The following ASTN2 variants were observed in gnomAD, a reference collection of about 807,000 sequenced individuals.
ASTN2 encodes the protein astrotactin 2, also known as astrotactin-2.
A neutral mutation model predicts 139.8 loss-of-function variants in ASTN2; 54 were observed. The observed-to-expected ratio is 0.39, with a 90% CI of 0.31 to 0.48. ASTN2 has a LOEUF of 0.48. Among genes scored for constraint, ASTN2 ranks in the 20% least tolerant of loss-of-function variants. The pLI is 0.95. For missense variants in ASTN2, 1,565 were observed against 1,725.1 expected, an observed-to-expected ratio of 0.91 and a Z score of 1.64; for synonymous variants, 756 against 719.5, an observed-to-expected ratio of 1.05 and a Z score of -0.81.
chr9:117,114,152 T>C (rs947811674), intron 4 of ASTN2, among the ~76,000 whole-genome samples: 14 of 148,450 alleles, frequency 9.4e-5, no homozygotes, highest in Non-Finnish European at 1.6e-4. Flanking sequence ...AAACTCTTTT[T>C]AATGAACATT....
chr9:116,497,972 T>C (rs1285132260), intron 19 of ASTN2, among the ~76,000 whole-genome samples: 1 of 152,218 alleles, frequency 6.6e-6, no homozygotes, highest in African/African-American at 2.4e-5. Context: ...AAACACTTCA[T>C]TCAACATCTC....
chr9:116,706,170 C>G (rs1343282265), intron 16 of ASTN2, among the ~76,000 whole-genome samples: 2 of 152,134 alleles, frequency 1.3e-5, no homozygotes, highest in East Asian at 3.9e-4. Context: ...GATGGGGAAT[C>G]ACTGATTGAC....
chr9:117,301,593 A>C (rs1834876695), intron 1 of ASTN2, among the ~76,000 whole-genome samples: 1 of 152,166 alleles, frequency 6.6e-6, no homozygotes, highest in South Asian at 2.1e-4. Context: ...TAGGCTGAGA[A>C]AGGAGCTTGC....
intron 20 of ASTN2, among the ~76,000 whole-genome samples, chr9:116,467,698 G>A (rs573802615): frequency 6.6e-6 from 1 of 152,302 alleles, no homozygotes; most frequent in East Asian, 1.9e-4. Flanking sequence ...GTTTCTGTCC[G>A]TTGCCTCCAA....
At chr9:117,095,856 G>C (rs141074349) in intron 5 of ASTN2, among the ~76,000 whole-genome samples, 188 bp downstream of exon 5, 3 of 152,128 alleles carry the variant, frequency 2.0e-5, no homozygotes, top group Non-Finnish European at 4.4e-5. Context: ...AGCAAATAAA[G>C]AATAAGCCAG....
chr9:116,536,175 C>T (rs943514402), intron 19 of ASTN2, among the ~76,000 whole-genome samples: 1 of 151,878 alleles, frequency 6.6e-6, no homozygotes, highest in African/African-American at 2.4e-5. Context: ...GCATTCGTCA[C>T]GTAGTTATCG....
chr9:116,951,365 AAAG>A (rs1343623976), intron 10 of ASTN2, among the ~76,000 whole-genome samples: 70 of 151,058 alleles, frequency 4.6e-4, no homozygotes, highest in African/African-American at 1.6e-3. Context: ...AAAAAAAAAA[AAAG>A]ATCTGTGGTT....
At chr9:117,225,401 C>T (rs1057382823) in intron 2 of ASTN2, among the ~76,000 whole-genome samples, 1 of 151,308 alleles carries the variant, frequency 6.6e-6, no homozygotes, top group African/African-American at 2.4e-5. Context: ...TGAGTTTCTT[C>T]CCACTCTTTG....
At chr9:117,076,008 A>T (rs181147616) in intron 5 of ASTN2, among the ~76,000 whole-genome samples, 85 of 152,298 alleles carry the variant, frequency 5.6e-4, no homozygotes. Context: ...CAAGAATCAT[A>T]CTGAAAGCCT....
chr9:117,333,169 C>T (rs962146905), intron 1 of ASTN2, among the ~76,000 whole-genome samples: 6 of 152,052 alleles, frequency 3.9e-5, no homozygotes, highest in Admixed American at 2.0e-4. Context: ...TCTATTTAAA[C>T]TGATGCCTGA....
chr9:116,979,410 G>C (rs1366872675), intron 7 of ASTN2, among the ~76,000 whole-genome samples: 1 of 152,088 alleles, frequency 6.6e-6, no homozygotes, highest in Non-Finnish European at 1.5e-5. Context: ...CCAAGAGGAA[G>C]TGCTGTAAGT....
chr9:117,150,526 G>T (rs182930278), intron 3 of ASTN2, among the ~76,000 whole-genome samples: 31 of 152,270 alleles, frequency 2.0e-4, no homozygotes, highest in Non-Finnish European at 1.5e-5. Context: ...GGAAGCGAAG[G>T]CTTTGAAATC....
intron 16 of ASTN2, among the ~76,000 whole-genome samples, chr9:116,679,193 C>T (rs1859683835): frequency 6.6e-6 from 1 of 152,088 alleles, no homozygotes; most frequent in African/African-American, 2.4e-5. Context: ...AAATTGATGA[C>T]TTATGGTAAC....
intron 10 of ASTN2, among the ~76,000 whole-genome samples, chr9:116,889,237 A>G (rs1833696873): frequency 6.6e-6 from 1 of 152,144 alleles, no homozygotes; most frequent in Admixed American, 6.6e-5. Flanking sequence ...AAGAAGAGGA[A>G]AAAAGAAGGC....
intron 13 of ASTN2, among the ~76,000 whole-genome samples, chr9:116,772,863 G>A (rs111494699): frequency 2.6e-5 from 4 of 152,272 alleles, no homozygotes; most frequent in African/African-American, 9.6e-5. Flanking sequence ...CTTAGCTTTA[G>A]GCTAGCACTT....
At chr9:116,991,971 G>T (rs1836870121) in intron 7 of ASTN2, among the ~76,000 whole-genome samples, 1 of 152,088 alleles carries the variant, frequency 6.6e-6, no homozygotes, top group South Asian at 2.1e-4. Flanking sequence ...CAGATCCTCT[G>T]CACTGAAACA....
intron 3 of ASTN2, among the ~76,000 whole-genome samples, chr9:117,193,728 C>G (rs1831412695): frequency 6.6e-6 from 1 of 151,762 alleles, no homozygotes; most frequent in African/African-American, 2.4e-5. Flanking sequence ...CAAAAATAAT[C>G]CCACATGCAA....
At chr9:117,352,000 C>T (rs1323762910) in intron 1 of ASTN2, among the ~76,000 whole-genome samples, 1 of 152,188 alleles carries the variant, frequency 6.6e-6, no homozygotes, top group Non-Finnish European at 1.5e-5. Context: ...ACACCGCTTA[C>T]TATTAATATC....
At chr9:116,904,482 C>T (rs1023756221) in intron 10 of ASTN2, among the ~76,000 whole-genome samples, 1 of 152,178 alleles carries the variant, frequency 6.6e-6, no homozygotes, top group Non-Finnish European at 1.5e-5. Context: ...GCTCTCCAAT[C>T]CCAGCTATGT....
Sources: gnomAD v4.1 joint callset for allele counts (sites outside exome capture counted in the v4.1 genomes callset) on GRCh38, gnomAD v4.1.1 for gene constraint, MANE v1.5 for transcripts, NCBI Gene and HGNC (gene_info 2026-07-23, HGNC 2026-07-21) for gene names.